WDR7: variants seen among roughly 807,000 people sequenced by gnomAD.
The protein encoded by WDR7 is WD repeat-containing protein 7.
WDR7 carries 46 observed loss-of-function variants against 169.4 expected under a neutral mutation model. That is an observed-to-expected ratio of 0.27 (90% CI 0.21 to 0.35). The LOEUF (loss-of-function observed/expected upper bound fraction) is 0.35. WDR7 is among the 10% of genes least tolerant of loss of function. The probability of loss-of-function intolerance (pLI) is 1.00; values close to 1 mark genes in which losing one functional copy is unlikely to be tolerated. For missense variants in WDR7, 1,534 were observed against 1,859.3 expected (o/e 0.83, Z 3.22); for synonymous variants, 612 against 666.8 (o/e 0.92, Z 1.27).
intron 26 of WDR7, among the ~76,000 whole-genome samples, chr18:56,994,001 C>A (rs1467349499): frequency 6.8e-6 from 1 of 147,968 alleles, no homozygotes; most frequent in Non-Finnish European, 1.5e-5. Flanking sequence ...TTTTTTCATC[C>A]ATTACTTTTT....
At chr18:56,802,933 A>T (rs1316117932) in intron 19 of WDR7, among the ~76,000 whole-genome samples, 1 of 151,490 alleles carries the variant, frequency 6.6e-6, no homozygotes, top group African/African-American at 2.4e-5. Context: ...GAGAGGTGTT[A>T]CAGCTTTATC....
At chr18:56,720,503 A>G (rs1462389487) in intron 13 of WDR7, among the ~76,000 whole-genome samples, 2 of 152,214 alleles carry the variant, frequency 1.3e-5, no homozygotes, top group South Asian at 2.1e-4. Flanking sequence ...GCTGATGTAT[A>G]TTAAGTGAAA....
intron 21 of WDR7, among the ~76,000 whole-genome samples, chr18:56,917,669 A>G (rs962641415): frequency 3.9e-5 from 6 of 152,200 alleles, no homozygotes; most frequent in African/African-American, 1.4e-4. Context: ...TGATTGAACA[A>G]TATTCATCTT....
chr18:56,800,477 A>G (rs999394306), intron 19 of WDR7, among the ~76,000 whole-genome samples: 5 of 152,174 alleles, frequency 3.3e-5, no homozygotes, highest in Admixed American at 2.6e-4. Flanking sequence ...ATATATAAAT[A>G]CATATCTACA....
At chr18:56,707,297 T>C (rs545504288) in intron 12 of WDR7, among the ~76,000 whole-genome samples, 1 of 152,296 alleles carries the variant, frequency 6.6e-6, no homozygotes, top group East Asian at 1.9e-4. Flanking sequence ...CTGACTTTAC[T>C]GTAGATATAC....
At chr18:56,903,657 T>C (rs1175941053) in intron 21 of WDR7, among the ~76,000 whole-genome samples, 1 of 152,012 alleles carries the variant, frequency 6.6e-6, no homozygotes, top group East Asian at 1.9e-4. Context: ...TGACCTCAAG[T>C]GATGCGCACT....
At chr18:56,679,504 G>A (rs1002050376) in intron 3 of WDR7, 66 bp downstream of exon 3, 113 of 1,105,418 alleles carry the variant, frequency 1.0e-4, no homozygotes, top group Non-Finnish European at 1.2e-4. Context: ...TGCCTTGTAA[G>A]TAGCGAGGTA....
In WDR7 at chr18:56,781,599, G is replaced by A; in HGVS notation, c.3133G>A (p.Glu1045Lys). Residue 1045 changes from glutamate (E) to lysine (K), a missense_variant, in exon 19 of 28, where the codon GAA becomes AAA. Transcript: ENST00000254442. The stretch of plus-strand genomic sequence containing the variant: ...AAGAATTGAGCAGGCAGGCAGGAAG[G>A]AAGCCATTGATGCCTGGGCTCCTTA... ...LRRIEQAGRK[E>K]AIDAWAPYLP... The A allele has an allele frequency of 6.2e-7, 1 of 1,612,968 alleles. No individual in the cohort carries two copies. The highest frequency in any genetic ancestry group is 8.5e-7 in the Non-Finnish European group (1 of 1,179,466).
intron 21 of WDR7, among the ~76,000 whole-genome samples, chr18:56,882,763 G>T (rs2046127240): frequency 6.6e-6 from 1 of 152,118 alleles, no homozygotes; most frequent in Admixed American, 6.5e-5. Context: ...ATATACTCCT[G>T]TTTGAAGAGG....
At chr18:56,799,421 G>A (rs979553420) in intron 19 of WDR7, among the ~76,000 whole-genome samples, 1 of 134,274 alleles carries the variant, frequency 7.4e-6, no homozygotes, top group East Asian at 1.9e-4. Context: ...AAATATTTTG[G>A]TTTTTTTTAT....
chr18:56,706,387 A>G (rs953599753), intron 12 of WDR7, among the ~76,000 whole-genome samples: 3 of 152,206 alleles, frequency 2.0e-5, no homozygotes, highest in African/African-American at 4.8e-5. Context: ...GGAACCGTCA[A>G]TTGGTCAGTG....
chr18:57,012,975 C>T (rs78163028), intron 26 of WDR7, among the ~76,000 whole-genome samples: 5,688 of 152,284 alleles, frequency 0.037, 130 homozygotes, highest in Non-Finnish European at 0.053. Context: ...GCATATCATA[C>T]ATGCTACAAA....
At chr18:56,908,453 G>A (rs116386195) in intron 21 of WDR7, among the ~76,000 whole-genome samples, 1 of 152,064 alleles carries the variant, frequency 6.6e-6, no homozygotes, top group Non-Finnish European at 1.5e-5. Context: ...AAACAATATG[G>A]TGTATTTCAT....
chr18:56,923,786 T>C, intron 21 of WDR7, 136 bp from the exon 22 acceptor site: 1 of 771,462 alleles, frequency 1.3e-6, no homozygotes, highest in South Asian at 2.6e-5. Context: ...ATCCAAGATC[T>C]TGTGTAGTCT....
At chr18:56,980,101 A>G (rs2047620214) in intron 26 of WDR7, among the ~76,000 whole-genome samples, 1 of 152,170 alleles carries the variant, frequency 6.6e-6, no homozygotes, top group African/African-American at 2.4e-5. Flanking sequence ...GTAGGGACTC[A>G]GGTTAGGCTC....
intron 21 of WDR7, among the ~76,000 whole-genome samples, chr18:56,883,918 G>A (rs562859109): frequency 6.6e-6 from 1 of 152,124 alleles, no homozygotes; most frequent in South Asian, 2.1e-4. Context: ...ATTGATTGAT[G>A]GGCATTTCGG....
intron 16 of WDR7, among the ~76,000 whole-genome samples, chr18:56,763,536 A>G (rs931450034): frequency 2.0e-5 from 3 of 152,186 alleles, no homozygotes; most frequent in African/African-American, 7.2e-5. Context: ...TTCATGAGGA[A>G]GTTTGGTCTT....
chr18:57,010,580 CTT>C (rs1234758777), intron 26 of WDR7, among the ~76,000 whole-genome samples: 3 of 152,030 alleles, frequency 2.0e-5, no homozygotes, highest in African/African-American at 4.8e-5. Context: ...AATATATTAA[CTT>C]GTGATGTTTG....
At chr18:56,917,347 TA>T (rs1010988793) in intron 21 of WDR7, among the ~76,000 whole-genome samples, 3 of 152,132 alleles carry the variant, frequency 2.0e-5, no homozygotes, top group Non-Finnish European at 4.4e-5. Context: ...TCAAACAAAT[TA>T]TGCTGAAAAT....
Sources: allele counts gnomAD v4.1 joint callset (sites outside exome capture counted in the v4.1 genomes callset), GRCh38; gene constraint gnomAD v4.1.1; transcripts MANE v1.5; gene names NCBI Gene and HGNC (gene_info 2026-07-23, HGNC 2026-07-21).